Variants in EEFSEC observed in about 807,000 individuals in gnomAD.
EEFSEC encodes eukaryotic elongation factor, selenocysteine-tRNA specific, also known as selenocysteine-specific elongation factor.
EEFSEC carries 43 observed loss-of-function variants against 42.1 expected under a neutral mutation model. The ratio of observed to expected loss-of-function variants is 1.02; its 90% CI spans 0.80 to 1.32. The LOEUF (loss-of-function observed/expected upper bound fraction) is 1.32, where lower values mean the gene tolerates loss of function less well. Ranked by LOEUF, EEFSEC falls within the 40% of genes most tolerant of loss-of-function variation. EEFSEC has a pLI of 0.00. For synonymous variants in EEFSEC, 354 were observed against 339.1 expected, an observed-to-expected ratio of 1.04 and a Z score of -0.48; for missense variants, 745 against 803.6, an observed-to-expected ratio of 0.93 and a Z score of 0.88.
At chr3:128,291,752 TC>T (rs2066646341) in intron 4 of EEFSEC, among the ~76,000 whole-genome samples, 1 of 152,252 alleles carries the variant, frequency 6.6e-6, no homozygotes, top group Non-Finnish European at 1.5e-5. Context: ...TGGAAATAAT[TC>T]CTTTCTACAC....
At chr3:128,168,055 A>T (rs2065258853) in intron 1 of EEFSEC, among the ~76,000 whole-genome samples, 1 of 152,078 alleles carries the variant, frequency 6.6e-6, no homozygotes, top group African/African-American at 2.4e-5. Context: ...GTCTGTTTTC[A>T]CTTTGCTACT....
At chr3:128,376,705 G>A (rs1559947425) in intron 6 of EEFSEC, among the ~76,000 whole-genome samples, 1 of 152,164 alleles carries the variant, frequency 6.6e-6, no homozygotes. Flanking sequence ...TGACTTGTGT[G>A]GTGGAAAGAT....
chr3:128,333,887 CAGA>C (rs1229111471), intron 4 of EEFSEC, among the ~76,000 whole-genome samples: 3 of 152,210 alleles, frequency 2.0e-5, no homozygotes, highest in Non-Finnish European at 2.9e-5. Context: ...GTCGAAAAGC[CAGA>C]AGGAGTATCG....
At chr3:128,367,163 CT>C (rs2067599725) in intron 6 of EEFSEC, among the ~76,000 whole-genome samples, 1 of 152,204 alleles carries the variant, frequency 6.6e-6, no homozygotes, top group Non-Finnish European at 1.5e-5. Flanking sequence ...TTAATTACAC[CT>C]TTAAAGGCCC....
At chr3:128,288,778 CCAGAACCAAAGGCCTGTGCTATTGG>C (rs2066612811) in intron 4 of EEFSEC, among the ~76,000 whole-genome samples, 1 of 152,190 alleles carries the variant, frequency 6.6e-6, no homozygotes, top group African/African-American at 2.4e-5. Context: ...AACTTGGATG[CCAGAACCAAAGGCCTGTGCTATTGG>C]ACTGGGCCAG....
chr3:128,421,973 G>T, the EEFSEC span, among the ~76,000 whole-genome samples: 8 of 152,318 alleles, frequency 5.3e-5, no homozygotes, highest in East Asian at 3.9e-4. Context: ...GATGGCACAA[G>T]AATTCTCTCA....
At chr3:128,300,564 G>C (rs1185211519) in intron 4 of EEFSEC, among the ~76,000 whole-genome samples, 4 of 125,476 alleles carry the variant, frequency 3.2e-5, no homozygotes, top group South Asian at 5.1e-4. Context: ...AAAAAAAAAG[G>C]CCAGTGTGAT....
At chr3:128,391,363 G>A (rs2107624332) in intron 6 of EEFSEC, among the ~76,000 whole-genome samples, 1 of 152,384 alleles carries the variant, frequency 6.6e-6, no homozygotes, top group Middle Eastern at 3.4e-3. Flanking sequence ...AGAGGCAGAA[G>A]AGCCCCACAC....
intron 2 of EEFSEC, among the ~76,000 whole-genome samples, chr3:128,255,190 G>C (rs1320827941): frequency 2.6e-5 from 4 of 152,130 alleles, no homozygotes; most frequent in Non-Finnish European, 4.4e-5. Context: ...GTATGCAGGG[G>C]AAGAGTTGGC....
chr3:128,401,866 A>G (rs975802490), intron 6 of EEFSEC, among the ~76,000 whole-genome samples: 4 of 152,164 alleles, frequency 2.6e-5, no homozygotes, highest in African/African-American at 9.7e-5. Context: ...TCCAGCAGCC[A>G]TGGAGGAGTC....
At chr3:128,157,107 A>AC (rs1944394389) in intron 1 of EEFSEC, among the ~76,000 whole-genome samples, 1 of 152,252 alleles carries the variant, frequency 6.6e-6, no homozygotes, top group Non-Finnish European at 1.5e-5. Flanking sequence ...TGCTTTATAG[A>AC]GAAAGTTTTA....
At chr3:128,376,704 T>C (rs1416389060) in intron 6 of EEFSEC, among the ~76,000 whole-genome samples, 1 of 152,134 alleles carries the variant, frequency 6.6e-6, no homozygotes, top group Admixed American at 6.5e-5. Context: ...CTGACTTGTG[T>C]GGTGGAAAGA....
chr3:128,374,399 T>C (rs1239429608), intron 6 of EEFSEC, among the ~76,000 whole-genome samples: 1 of 152,206 alleles, frequency 6.6e-6, no homozygotes, highest in Non-Finnish European at 1.5e-5. Context: ...TTTTTCGTTA[T>C]TATGGCCAAC....
At chr3:128,182,312 C>CAAAAAAAA (rs34027926) in intron 1 of EEFSEC, among the ~76,000 whole-genome samples, 1 of 109,080 alleles carries the variant, frequency 9.2e-6, no homozygotes, top group East Asian at 2.9e-4. Context: ...AGTAACTATC[C>CAAAAAAAA]AAAAAAAAAA....
intron 1 of EEFSEC, among the ~76,000 whole-genome samples, chr3:128,171,339 GTTTATT>G (rs1045655961): frequency 5.3e-5 from 8 of 151,454 alleles, no homozygotes; most frequent in Non-Finnish European, 1.0e-4. Context: ...TTCTTTCAAG[GTTTATT>G]TTTAATTTTT....
chr3:128,389,962 C>T (rs1338468928), intron 6 of EEFSEC, among the ~76,000 whole-genome samples: 1 of 152,156 alleles, frequency 6.6e-6, no homozygotes, highest in Non-Finnish European at 1.5e-5. Context: ...TGGCAGCGCC[C>T]GTAAGATGCT....
chr3:128,339,868 G>T (rs2067231401), intron 4 of EEFSEC, among the ~76,000 whole-genome samples: 1 of 152,168 alleles, frequency 6.6e-6, no homozygotes, highest in Non-Finnish European at 1.5e-5. Context: ...CATGGCACCA[G>T]GCAAGAGAGA....
intron 6 of EEFSEC, among the ~76,000 whole-genome samples, chr3:128,375,792 C>A (rs1402408388): frequency 6.6e-6 from 1 of 152,218 alleles, no homozygotes; most frequent in Non-Finnish European, 1.5e-5. Context: ...CTGGGAGGTG[C>A]TCCCAAGTGG....
chr3:128,361,864 G>A (rs2067529906), intron 6 of EEFSEC, among the ~76,000 whole-genome samples: 1 of 152,204 alleles, frequency 6.6e-6, no homozygotes, highest in South Asian at 2.1e-4. Flanking sequence ...AGTAGTTGGA[G>A]GAAGGAGCTG....
Sources: gnomAD v4.1 joint callset for allele counts (sites outside exome capture counted in the v4.1 genomes callset) on GRCh38, gnomAD v4.1.1 for gene constraint, MANE v1.5 for transcripts, NCBI Gene and HGNC (gene_info 2026-07-23, HGNC 2026-07-21) for gene names.